The following AP1B1 variants were observed in gnomAD, a reference collection of about 807,000 sequenced individuals.
AP1B1 encodes adaptor related protein complex 1 subunit beta 1, also known as AP-1 complex subunit beta-1.
A neutral mutation model predicts 104.3 loss-of-function variants in AP1B1; 36 were observed. The ratio of observed to expected loss-of-function variants is 0.35; its 90% confidence interval spans 0.26 to 0.46. The LOEUF (loss-of-function observed/expected upper bound fraction) is 0.46. Ranked by LOEUF, AP1B1 falls within the 20% of genes least tolerant of loss-of-function variation. AP1B1 has a pLI of 1.00. For missense variants in AP1B1, 901 were observed against 1,247.9 expected, an observed-to-expected ratio of 0.72 and a Z score of 4.19; for synonymous variants, 504 against 517.5, an observed-to-expected ratio of 0.97 and a Z score of 0.35.
intron 11 of AP1B1, among the ~76,000 whole-genome samples, chr22:29,348,841 CAAA>C (rs955097352): frequency 6.6e-6 from 1 of 152,024 alleles, no homozygotes; most frequent in South Asian, 2.1e-4. Flanking sequence ...CCTAAGAAAT[CAAA>C]AAAGTGATGA....
intron 2 of AP1B1, among the ~76,000 whole-genome samples, chr22:29,364,289 T>C (rs1232835137): frequency 1.1e-4 from 17 of 152,326 alleles, no homozygotes. Flanking sequence ...TGAAATCAAT[T>C]GTTCTGAAGA....
intron 2 of AP1B1, among the ~76,000 whole-genome samples, chr22:29,365,411 T>C (rs1368923071): frequency 3.9e-5 from 6 of 152,164 alleles, no homozygotes; most frequent in South Asian, 2.1e-4. Flanking sequence ...CTTGGGAGAA[T>C]TGCTTGAACC....
chr22:29,346,283 G>A (rs1438370774), intron 11 of AP1B1, among the ~76,000 whole-genome samples: 3 of 152,194 alleles, frequency 2.0e-5, no homozygotes, highest in Non-Finnish European at 2.9e-5. Flanking sequence ...AGCAGGCTTA[G>A]CTGCAAAAGA....
chr22:29,342,314 C>G lies in AP1B1; in HGVS notation c.1507G>C (p.Val503Leu). 2 of 1,614,088 alleles carry G rather than the reference C, an allele frequency of 1.2e-6. No homozygotes were observed. The highest frequency in any genetic ancestry group is 1.7e-6 in the Non-Finnish European group (2 of 1,179,968). ...GTGGCCAAACTGAGGACCTGCTGCA[C>G]CAGCTCCTGGGTCTCTGTTGGCTTC... is the stretch of plus-strand genomic sequence containing the variant. ...LKKPTETQEL[V>L]QQVLSLATQD... The change falls in exon 12 of 23, where the codon GTG becomes CTG. Residue 503 changes from valine to leucine, a missense_variant. Physicochemically the swap from Val to Leu is conservative, Grantham distance 32. Transcript: ENST00000357586.
At chr22:29,360,737 CACTGGGTGG>C (rs565708724) in intron 3 of AP1B1, among the ~76,000 whole-genome samples, 297 of 152,324 alleles carry the variant, frequency 1.9e-3, no homozygotes, top group African/African-American at 6.8e-3. Flanking sequence ...TGCTCATGAC[CACTGGGTGG>C]AACCCTTCTC....
Position 29,373,901 on chromosome 22 carries a change from GA to G in AP1B1, c.-27-6632del, listed in dbSNP as rs562221478. Among the ~76,000 whole-genome samples the G allele has an allele frequency of 8.3e-3, 730 of 88,270 alleles. 2 individuals are homozygous for G. Among genetic ancestry groups the G allele is most frequent in the African/African-American group, 0.025 (591 of 23,422 alleles). The allele number at this position is 88,270 out of a possible 152,430, so 57.9% of individuals were successfully genotyped here. ...TGGGCGACAGAGCAAGACTCGGTCTGAAAAAAAAAAAAAAGGCAAGGCACGG... is the reference window on the plus strand; with the variant it reads ...TGGGCGACAGAGCAAGACTCGGTCTGAAAAAAAAAAAAAGGCAAGGCACGG... On this transcript the variant is annotated intron_variant, in intron 1 of 22. Transcript: ENST00000357586.
chr22:29,387,363 A>G (rs748757470), intron 1 of AP1B1, among the ~76,000 whole-genome samples: 1 of 144,798 alleles, frequency 6.9e-6, no homozygotes, highest in Non-Finnish European at 1.5e-5. Context: ...GCTGGAGTGC[A>G]GTCGCACGAT....
Position 29,340,923 on chromosome 22 carries a change from C to T in AP1B1, c.1797-66G>A, listed in dbSNP as rs545067625. The T allele has an allele frequency of 1.3e-4, 191 of 1,490,012 alleles. 1 individual carries two copies. The East Asian group carries it at 4.3e-3, about 33-fold the overall frequency. 92.3% of individuals were successfully genotyped at this position (1,490,012 alleles called of 1,614,324 possible). A position where few individuals can be genotyped will look rare whatever the true frequency, so the allele number is the denominator to read the frequency against. On this transcript the variant is annotated intron_variant, in intron 13 of 22. Coordinates refer to ENST00000357586, the MANE Select transcript of AP1B1 (RefSeq NM_001127.4). Reference sequence around the variant, plus strand: ...TCAGGAAGGTCAAAGAGACCCCAGCCTCCAGGCAGAGCTGTCCCCCAGGAC... The same window carrying T: ...TCAGGAAGGTCAAAGAGACCCCAGCTTCCAGGCAGAGCTGTCCCCCAGGAC...
chr22:29,339,448 C>T (rs911237737), intron 15 of AP1B1, among the ~76,000 whole-genome samples: 1 of 152,132 alleles, frequency 6.6e-6, no homozygotes, highest in Non-Finnish European at 1.5e-5. Flanking sequence ...ACATGCTACG[C>T]AGATGGGTGC....
chr22:29,330,571 C>T (rs560903405), intron 20 of AP1B1, 39 bp from the exon 21 acceptor site: 33 of 1,612,336 alleles, frequency 2.0e-5, no homozygotes, highest in East Asian at 1.3e-4. Context: ...CCAGTCAGCG[C>T]GGGGGCCTGG....
rs1489043136 is a variant in AP1B1 at position 29,334,229 on chromosome 22, C to T, written c.2309+36G>A. 1.2e-5 allele frequency: 18 copies of T among 1,549,130 alleles called. No homozygotes were observed. The East Asian group carries it at 4.2e-4, about 36-fold the overall frequency. On this transcript the variant is annotated intron_variant, in intron 17 of 22. Transcript: ENST00000357586. ...CCGAGTGGGTTCTCTCACAGGCCTC[C>T]TCTTGAGAGGTGCGCTGGCCTCAGG... is the stretch of plus-strand genomic sequence containing the variant.
At chr22:29,370,962 G>C (rs1410672055) in intron 1 of AP1B1, among the ~76,000 whole-genome samples, 1 of 152,198 alleles carries the variant, frequency 6.6e-6, no homozygotes, top group Non-Finnish European at 1.5e-5. Flanking sequence ...TGATGATGCA[G>C]AAATGTATCC....
In AP1B1 at chr22:29,334,330, G is replaced by T. The variant is rs755605234; in HGVS notation, c.2244C>A (p.Asp748Glu). 1.2e-6 allele frequency: 2 copies of T among 1,611,868 alleles called. No homozygotes were observed. The highest frequency in any genetic ancestry group is 1.7e-6 in the Non-Finnish European group (2 of 1,179,320). The change falls in exon 17 of 23, where the codon GAC becomes GAA. Residue 748 changes from aspartate to glutamate, a missense_variant. This residue lies in a region of AP1B1 where 424 missense variants were observed against 494.0 expected (regional missense o/e 0.86). Coordinates refer to ENST00000357586, the MANE Select transcript of AP1B1 (RefSeq NM_001127.4). ...GCAAGGCCTTGTTGGTCAGCTGCAG[G>T]TCCATGGAGATGGAGCCCACCTGGC... ...FTRQVGSISM[D>E]LQLTNKALQV...
rs888403240 is a variant in AP1B1, at chr22:29,327,775, T to C, written c.*1046A>G. 3.9e-5 allele frequency: 6 copies of C among 152,148 alleles called. No individual in the cohort carries two copies. Among genetic ancestry groups the C allele is most frequent in the Admixed American group, 3.3e-4 (5 of 15,270 alleles). The allele number at this position is 152,148 out of a possible 1,614,324, so 9.4% of individuals were successfully genotyped here. On this transcript the variant is annotated 3_prime_UTR_variant, in exon 23 of 23. Coordinates refer to ENST00000357586, the MANE Select transcript of AP1B1 (RefSeq NM_001127.4). ...TGATATATATTAGATCTAGTTACCG[T>C]AGGGTCAGAAAACCATCCCCAACCA...
At position 29,340,737 on chromosome 22, in the gene AP1B1, G is replaced by T. The variant is rs1338463568; in HGVS notation, c.1917C>A (p.Pro639=). The T allele has an allele frequency of 6.3e-7, 1 of 1,595,678 alleles. No homozygotes were observed. The highest frequency in any genetic ancestry group is 1.8e-5 in the Admixed American group (1 of 56,644). The change falls in exon 14 of 23, where the codon CCC becomes CCA. Residue 639 remains proline, a synonymous_variant. Coordinates refer to ENST00000357586, the MANE Select transcript of AP1B1 (RefSeq NM_001127.4). ...LGDLLNLDLG[P]PVSGPPLATS... is the part of the protein sequence containing the mutation. ...TGGCCAGGGGTGGGCCGCTCACTGG[G>T]GGGCCGAGGTCCAGGTTGAGGAGGT...
rs367568628 is a variant in AP1B1, at chr22:29,349,275, G to T, written c.1380C>A (p.Asp460Glu). 1 of 1,613,888 alleles carries T rather than the reference G, an allele frequency of 6.2e-7. No homozygotes were observed. Among genetic ancestry groups the T allele is most frequent in the East Asian group, 2.2e-5 (1 of 44,900 alleles). The change falls in exon 11 of 23, where the codon GAC (aspartate) becomes GAA (glutamate). Residue 460 changes from aspartate to glutamate, a missense_variant. This residue lies in a region of AP1B1 where 471 missense variants were observed against 696.7 expected (regional missense o/e 0.68). Coordinates refer to ENST00000357586, the MANE Select transcript of AP1B1 (RefSeq NM_001127.4). ...WIVGEYAERI[D>E]NADELLESFL... ...AGCTCTCCAGCAGCTCATCTGCGTTGTCGATCCGTTCCGCGTACTCGCCCA... is the reference window on the plus strand; with the variant it reads ...AGCTCTCCAGCAGCTCATCTGCGTTTTCGATCCGTTCCGCGTACTCGCCCA...
At chr22:29,353,577 C>T (rs1029430209) in intron 7 of AP1B1, among the ~76,000 whole-genome samples, 2 of 152,164 alleles carry the variant, frequency 1.3e-5, no homozygotes, top group African/African-American at 4.8e-5. Context: ...TAGTTTCATC[C>T]CTTGGTTTAG....
intron 1 of AP1B1, among the ~76,000 whole-genome samples, chr22:29,372,958 C>T (rs2062265552): frequency 6.6e-6 from 1 of 152,184 alleles, no homozygotes; most frequent in South Asian, 2.1e-4. Flanking sequence ...ACTGAGTCTA[C>T]TTCATCTCCA....
Position 29,330,501 on chromosome 22 carries a change from G to A in AP1B1, c.2643C>T (p.Asn881=), listed in dbSNP as rs2061540687. Residue 881 remains asparagine (N), a synonymous_variant, in exon 21 of 23, where the codon AAC becomes AAT. Transcript: ENST00000357586. Reference sequence around the variant, plus strand: ...CGTTCCTCTTGGCGACAGTGAAGATGTTGCTGCTCTGCAGCTTGCTGCTCG... The same window carrying A: ...CGTTCCTCTTGGCGACAGTGAAGATATTGCTGCTCTGCAGCTTGCTGCTCG... ...EAASSKLQSS[N]IFTVAKRNVE... 4.3e-6 allele frequency: 7 copies of A among 1,612,346 alleles called. No homozygotes were observed. In the East Asian group the frequency reaches 1.3e-4, roughly 31 times the overall value.
Sources: gnomAD v4.1 joint callset for allele counts (sites outside exome capture counted in the v4.1 genomes callset) on GRCh38, gnomAD v4.1.1 for gene constraint, gnomAD v4.1.1 regional missense constraint, MANE v1.5 for transcripts, NCBI Gene and HGNC (gene_info 2026-07-23, HGNC 2026-07-21) for gene names.